Variants in KEL observed in about 807,000 individuals in gnomAD.
KEL encodes the protein Kell metallo-endopeptidase (Kell blood group).
A neutral mutation model predicts 99.5 loss-of-function variants in KEL; 96 were observed. That is an observed-to-expected ratio of 0.97 (90% CI 0.82 to 1.14). KEL has a LOEUF of 1.14. Ranked by LOEUF, KEL falls within the 50% of genes most tolerant of loss-of-function variation. KEL has a pLI of 0.00. For synonymous variants in KEL, 355 were observed against 354.8 expected (o/e 1.00, Z -0.01); for missense variants, 926 against 924.2 (o/e 1.00, Z -0.03).
At chr7:142,951,220 T>A (rs1796679669) in intron 10 of KEL, among the ~76,000 whole-genome samples, 1 of 152,220 alleles carries the variant, frequency 6.6e-6, no homozygotes, top group Non-Finnish European at 1.5e-5. Context: ...TTCTGCATTC[T>A]TTAAGCCTAA....
At chr7:142,945,072 G>A (rs1234926374) in intron 11 of KEL, among the ~76,000 whole-genome samples, 1 of 152,224 alleles carries the variant, frequency 6.6e-6, no homozygotes, top group Non-Finnish European at 1.5e-5. Context: ...ATCAGAGGGA[G>A]GAGAGGGCTG....
intron 15 of KEL, 36 bp downstream of exon 15, chr7:142,943,450 G>A (rs768123376): frequency 1.2e-6 from 2 of 1,608,128 alleles, no homozygotes; most frequent in Non-Finnish European, 1.7e-6. Context: ...CCCCTCTTGG[G>A]AAACTCCCTA....
In KEL at chr7:142,960,931, G is replaced by T. The variant is rs779027143; in HGVS notation, c.397C>A (p.Leu133Met). The T allele has an allele frequency of 1.9e-6, 3 of 1,614,042 alleles. No homozygotes were observed. Among genetic ancestry groups the T allele is most frequent in the African/African-American group, 1.3e-5 (1 of 74,932 alleles). ...TKNKNRLRRI[L>M]EVQNSWHPGS... ...TCTTCCACCCTGCTTTCCTCACCCA[G>T]TATTCTCCGAAGTCGGTTTTTGTTC... Residue 133 changes from leucine (L) to methionine (M), a missense_variant, in exon 4 of 19, where the codon CTG becomes ATG. Leu to Met is a conservative substitution (Grantham distance 15). Coordinates refer to ENST00000355265, the MANE Select transcript of KEL (RefSeq NM_000420.3).
At chr7:142,953,777 C>T in intron 9 of KEL, 31 bp downstream of exon 9, 1 of 1,613,268 alleles carries the variant, frequency 6.2e-7, no homozygotes, top group East Asian at 2.2e-5. Context: ...CCTCCATTTC[C>T]ATGATCTCCC....
At position 142,944,373 on chromosome 7, in the gene KEL, C is replaced by A; in HGVS notation, c.1441G>T (p.Ala481Ser). 1 of 1,613,876 alleles carries A rather than the reference C, an allele frequency of 6.2e-7. No homozygotes were observed. The highest frequency in any genetic ancestry group is 8.5e-7 in the Non-Finnish European group (1 of 1,179,736). ...KVAQLQVEMG[A>S]SEWALKPELA... ...TCTGGCTTCAGGGCCCATTCTGAAG[C>A]CCCCATCTCCACCTGCAGTTGAGCA... The change falls in exon 13 of 19, where the codon GCT becomes TCT. Residue 481 changes from alanine (A) to serine (S), a missense_variant. Transcript: ENST00000355265.
intron 11 of KEL, chr7:142,944,959 C>T (rs886522390): frequency 2.6e-5 from 16 of 613,602 alleles, no homozygotes; most frequent in Non-Finnish European, 3.5e-5. Flanking sequence ...CCTGGCCATC[C>T]GTGAGGGCCA....
intron 11 of KEL, 171 bp downstream of exon 11, chr7:142,946,036 C>G (rs1586252358): frequency 3.2e-6 from 2 of 622,410 alleles, no homozygotes; most frequent in East Asian, 5.5e-5. Flanking sequence ...GAACTGTTTC[C>G]ACACCAGGGA....
At chr7:142,961,314 GC>G (rs1342400776) in intron 3 of KEL, 45 bp downstream of exon 3, 1 of 1,611,064 alleles carries the variant, frequency 6.2e-7, no homozygotes, top group East Asian at 2.2e-5. Context: ...GGGCCCCAGG[GC>G]TGGGGGAGGG....
rs1157446519 is a variant in KEL at position 142,960,992 on chromosome 7, T to C, written c.336A>G (p.Lys112=). 2 of 1,614,106 alleles carry C rather than the reference T, an allele frequency of 1.2e-6. No homozygotes were observed. Residue 112 remains lysine (K), a synonymous_variant, in exon 4 of 19, where the codon AAA becomes AAG. Transcript: ENST00000355265. ...GCTCCTGAAAAGAATTATTGGTCTC[T>C]TTGGCCCTTCCACAGGCAAAGCTGA... The part of the protein sequence containing the change: ...DFFSFACGRA[K]ETNNSFQELA...
rs1238883044 is a variant in KEL at position 142,958,330 on chromosome 7, C to A, written c.499G>T (p.Gly167Cys). 6.2e-7 allele frequency: 1 copy of A among 1,614,110 alleles called. No homozygotes were observed. Among genetic ancestry groups the A allele is most frequent in the African/African-American group, 1.3e-5 (1 of 75,018 alleles). The change falls in exon 5 of 19, where the codon GGT becomes TGT. Residue 167 changes from glycine (G) to cysteine (C), a missense_variant. Coordinates refer to ENST00000355265, the MANE Select transcript of KEL (RefSeq NM_000420.3). ...DTLAIEAAGT[G>C]PLRQVIEELG... ...TCCTCAATAACTTGTCTGAGGGGAC[C>A]AGTCCCTGCAGCTTCAATGGCAAGT...
At chr7:142,942,363 T>G in intron 18 of KEL, 71 bp downstream of exon 18, 4 of 1,045,744 alleles carry the variant, frequency 3.8e-6, no homozygotes, top group Non-Finnish European at 4.4e-6. Context: ...AGAGGGGACT[T>G]CCATGAGCTT....
intron 11 of KEL, among the ~76,000 whole-genome samples, chr7:142,945,828 A>G (rs554512415): frequency 4.2e-4 from 64 of 152,222 alleles, no homozygotes; most frequent in South Asian, 2.5e-3. Flanking sequence ...GGGTTTCTCC[A>G]TGTTGGTCAG....
Position 142,952,512 on chromosome 7 carries a change from G to T in KEL, c.1200C>A (p.Pro400=). The change falls in exon 10 of 19, where the codon CCC becomes CCA. Residue 400 remains proline, a synonymous_variant. Transcript: ENST00000355265. The part of the protein sequence containing the change: ...QKLRELTEQP[P]MPARPRWMKC... ...ATACACCCGCTCCTCTCCTCACCAT[G>T]GGTGGTTGCTCTGTCAGTTCCCGCA... The T allele has an allele frequency of 6.2e-7, 1 of 1,613,808 alleles. No individual in the cohort carries two copies. The highest frequency in any genetic ancestry group is 1.1e-5 in the South Asian group (1 of 91,074).
chr7:142,942,527 T>C lies in KEL; in HGVS notation c.1944A>G (p.Ala648=). ...DVGGLAIALQ[A]YSKRLLRHHG... is the part of the protein sequence containing the mutation. ...GGTGCCGTAACAGCCTCTTGCTGTA[T>C]GCCTGGGTAGGGGTGGGTAGAGAAG... is the stretch of plus-strand genomic sequence containing the variant. Residue 648 remains alanine (A), a splice_region_variant and synonymous_variant, in exon 18 of 19, where the codon GCA becomes GCG. Transcript: ENST00000355265. The C allele has an allele frequency of 6.2e-7, 1 of 1,604,338 alleles. No homozygotes were observed. Among genetic ancestry groups the C allele is most frequent in the Non-Finnish European group, 8.5e-7 (1 of 1,174,714 alleles).
chr7:142,960,987 G>A lies in KEL; in HGVS notation c.341C>T (p.Thr114Ile). The A allele has an allele frequency of 6.2e-7, 1 of 1,614,184 alleles. No homozygotes were observed. Among genetic ancestry groups the A allele is most frequent in the Non-Finnish European group, 8.5e-7 (1 of 1,180,044 alleles). The change falls in exon 4 of 19, where the codon ACC becomes ATC. Residue 114 changes from threonine (T) to isoleucine (I), a missense_variant. Thr to Ile is a moderately conservative substitution (Grantham distance 89). Transcript: ENST00000355265. ...FSFACGRAKE[T>I]NNSFQELATK... ...GGCAAGCTCCTGAAAAGAATTATTG[G>A]TCTCTTTGGCCCTTCCACAGGCAAA...
chr7:142,958,486 A>C, intron 4 of KEL, 58 bp from the exon 5 acceptor site: 1 of 1,569,674 alleles, frequency 6.4e-7, no homozygotes, highest in South Asian at 1.1e-5. Context: ...CTTGCCCCAA[A>C]TTCCTATCAA....
chr7:142,952,700 C>T, intron 9 of KEL, 62 bp from the exon 10 acceptor site: 4 of 1,590,750 alleles, frequency 2.5e-6, no homozygotes, highest in Admixed American at 3.4e-5. Flanking sequence ...TCAAGAAGAG[C>T]CTCTCCTTGT....
At chr7:142,958,069 C>G in intron 5 of KEL, 96 bp from the exon 6 acceptor site, 1 of 1,471,548 alleles carries the variant, frequency 6.8e-7, no homozygotes, top group South Asian at 1.2e-5. Context: ...TGCCTGACCT[C>G]TGCCCTGCGC....
intron 4 of KEL, among the ~76,000 whole-genome samples, chr7:142,959,806 AT>A (rs74367814): frequency 1.3e-5 from 2 of 151,900 alleles, no homozygotes; most frequent in East Asian, 3.9e-4. Flanking sequence ...TCCTGAGCAT[AT>A]TTTTTCTTTT....
Sources: allele counts gnomAD v4.1 joint callset (sites outside exome capture counted in the v4.1 genomes callset), GRCh38; gene constraint gnomAD v4.1.1; transcripts MANE v1.5; gene names NCBI Gene and HGNC (gene_info 2026-07-23, HGNC 2026-07-21).